The following RAB30 variants were observed in gnomAD, a reference collection of about 807,000 sequenced individuals.
The protein encoded by RAB30 is ras-related protein Rab-30.
Under a neutral mutation model 25.1 loss-of-function variants are expected in RAB30, and 9 were observed. That is an observed-to-expected ratio of 0.36 (90% confidence interval 0.22 to 0.63). The LOEUF (loss-of-function observed/expected upper bound fraction) is 0.63, where lower values mean the gene tolerates loss of function less well. Among genes scored for constraint, RAB30 ranks in the 20% least tolerant of loss-of-function variants. The pLI is 0.69. For synonymous variants in RAB30, 77 were observed against 86.4 expected, an observed-to-expected ratio of 0.89 and a Z score of 0.60; for missense variants, 140 against 243.5, an observed-to-expected ratio of 0.58 and a Z score of 2.83.
rs74364134 is a variant in RAB30 at position 83,025,194 on chromosome 11, T to A, written c.-8-27870A>T. Among the ~76,000 whole-genome samples the A allele has an allele frequency of 4.1e-3, 629 of 152,362 alleles. 4 individuals are homozygous for A. Among genetic ancestry groups the A allele is most frequent in the Non-Finnish European group, 6.1e-3 (415 of 68,038 alleles). Reference sequence around the variant, plus strand: ...TTTAACAACAAAATCAGCAATTTTTTAAAATTCTCCTGACATTTTATCAGA... The same window carrying A: ...TTTAACAACAAAATCAGCAATTTTTAAAAATTCTCCTGACATTTTATCAGA... On this transcript the variant is annotated intron_variant, in intron 1 of 4. Coordinates refer to ENST00000527633, the MANE Select transcript of RAB30 (RefSeq NM_001286060.2).
intron 1 of RAB30, among the ~76,000 whole-genome samples, chr11:83,023,764 C>T (rs1385005817): frequency 2.0e-5 from 3 of 152,208 alleles, no homozygotes; most frequent in Non-Finnish European, 4.4e-5. Flanking sequence ...TCAATTCTCA[C>T]CAAACTCACA....
In RAB30 at chr11:82,973,150, G is replaced by A. The variant is rs1237580856; in HGVS notation, c.*9015C>T. On this transcript the variant is annotated 3_prime_UTR_variant, in exon 5 of 5. Coordinates refer to ENST00000527633, the MANE Select transcript of RAB30 (RefSeq NM_001286060.2). ...TCTCCAAATGTGGGCAACAGGAAAT[G>A]TTTATTTATATACAAGTACATGGGA... The A allele has an allele frequency of 6.6e-6, 1 of 152,142 alleles. No homozygotes were observed. The highest frequency in any genetic ancestry group is 1.5e-5 in the Non-Finnish European group (1 of 68,010). 9.4% of individuals were successfully genotyped at this position (152,142 alleles called of 1,614,324 possible).
rs952995321 is a variant in RAB30, at chr11:82,975,502, C to T, written c.*6663G>A. ...TTTTTGTTTTAGAATTTAGTGCACA[C>T]GTAGAAAGGGGAAGAAACGCTTTTG... is the stretch of plus-strand genomic sequence containing the variant. On this transcript the variant is annotated 3_prime_UTR_variant, in exon 5 of 5. Coordinates refer to ENST00000527633, the MANE Select transcript of RAB30 (RefSeq NM_001286060.2). 3 of 151,916 alleles carry T rather than the reference C, an allele frequency of 2.0e-5. No individual in the cohort carries two copies. The highest frequency in any genetic ancestry group is 2.9e-5 in the Non-Finnish European group (2 of 67,968). 9.4% of individuals were successfully genotyped at this position (151,916 alleles called of 1,614,324 possible). A position where few individuals can be genotyped will look rare whatever the true frequency, so the allele number is the denominator to read the frequency against.
chr11:83,018,387 G>A (rs747675207), intron 1 of RAB30, among the ~76,000 whole-genome samples: 29 of 151,388 alleles, frequency 1.9e-4, no homozygotes, highest in Non-Finnish European at 2.8e-4. Context: ...GGCCATTCTC[G>A]GAGGAGTAAG....
chr11:82,996,866 C>T lies in RAB30; in HGVS notation c.93+358G>A, dbSNP rs556855593. On this transcript the variant is annotated intron_variant, in intron 2 of 4. Transcript: ENST00000527633. ...TTTAAAAAATTTAGGTTCAGTTTGA[C>T]GTCCAGATTCATTTGTTTCCACCTG... Among the ~76,000 whole-genome samples the T allele has an allele frequency of 8.5e-5, 13 of 152,284 alleles. No homozygotes were observed. In the South Asian group the frequency reaches 2.1e-3, roughly 24 times the overall value.
intron 1 of RAB30, 24 bp from the exon 2 acceptor site, chr11:82,997,348 G>C: frequency 6.6e-7 from 1 of 1,514,726 alleles, no homozygotes. Flanking sequence ...ACAGGCAAAA[G>C]TGAGAAAGGC....
intron 1 of RAB30, among the ~76,000 whole-genome samples, chr11:83,066,787 G>A (rs889882436): frequency 6.6e-5 from 10 of 152,186 alleles, no homozygotes; most frequent in Non-Finnish European, 1.2e-4. Context: ...CCTGACCTCA[G>A]GTGATCCACC....
chr11:83,027,372 A>T (rs189592490), intron 1 of RAB30, among the ~76,000 whole-genome samples: 1 of 152,344 alleles, frequency 6.6e-6, no homozygotes, highest in South Asian at 2.1e-4. Context: ...CAGAAGGTAG[A>T]GTGCAAAGGT....
In RAB30 at chr11:82,976,940, G is replaced by A. The variant is rs182585208; in HGVS notation, c.*5225C>T. ...CTTTTAAACTCATGTATTCTCAAGA[G>A]AATCAAACCAACTAAGGAAATGTCA... On this transcript the variant is annotated 3_prime_UTR_variant, in exon 5 of 5. Coordinates refer to ENST00000527633, the MANE Select transcript of RAB30 (RefSeq NM_001286060.2). 6.6e-6 allele frequency: 1 copy of A among 152,094 alleles called. No individual in the cohort carries two copies. Among genetic ancestry groups the A allele is most frequent in the South Asian group, 2.1e-4 (1 of 4,830 alleles). 9.4% of individuals were successfully genotyped at this position (152,094 alleles called of 1,614,324 possible). A position where few individuals can be genotyped will look rare whatever the true frequency, so the allele number is the denominator to read the frequency against.
intron 1 of RAB30, among the ~76,000 whole-genome samples, chr11:83,026,504 C>A (rs1272736749): frequency 6.6e-6 from 1 of 152,162 alleles, no homozygotes; most frequent in Non-Finnish European, 1.5e-5. Context: ...TCACATGTAA[C>A]ATTCTGGCTC....
intron 1 of RAB30, among the ~76,000 whole-genome samples, chr11:83,005,877 C>T (rs908251156): frequency 4.0e-5 from 6 of 151,198 alleles, no homozygotes; most frequent in African/African-American, 1.5e-4. Flanking sequence ...AATTCAATAA[C>T]CGACTAGAAA....
At chr11:83,024,858 TG>T (rs1796590070) in intron 1 of RAB30, among the ~76,000 whole-genome samples, 1 of 152,230 alleles carries the variant, frequency 6.6e-6, no homozygotes, top group Non-Finnish European at 1.5e-5. Context: ...TTAACTGTGT[TG>T]AACTCAGCAT....
chr11:83,003,970 A>G (rs1857138648), intron 1 of RAB30, among the ~76,000 whole-genome samples: 1 of 152,198 alleles, frequency 6.6e-6, no homozygotes, highest in Non-Finnish European at 1.5e-5. Flanking sequence ...ATAGCTTCAC[A>G]GTAACATAAC....
chr11:83,048,880 C>T (rs913032584), intron 1 of RAB30, among the ~76,000 whole-genome samples: 7 of 152,232 alleles, frequency 4.6e-5, no homozygotes, highest in Non-Finnish European at 1.0e-4. Flanking sequence ...TGCTGGGCCC[C>T]AGCATGGCCC....
intron 1 of RAB30, among the ~76,000 whole-genome samples, chr11:83,024,958 G>T (rs921403445): frequency 5.9e-5 from 9 of 152,192 alleles, no homozygotes; most frequent in African/African-American, 2.2e-4. Context: ...GAGGTGTCTT[G>T]AAGTAGGAAA....
Position 82,982,303 on chromosome 11 carries a change from A to G in RAB30, c.474T>C (p.Asn158=), listed in dbSNP as rs750654953. The G allele has an allele frequency of 2.5e-6, 4 of 1,614,206 alleles. No individual in the cohort carries two copies. Among genetic ancestry groups the G allele is most frequent in the Non-Finnish European group, 8.5e-7 (1 of 1,180,026 alleles). The change falls in exon 5 of 5, where the codon AAT becomes AAC. Residue 158 remains asparagine (N), a synonymous_variant. Coordinates refer to ENST00000527633, the MANE Select transcript of RAB30 (RefSeq NM_001286060.2). ...CTAAGTCAAGGAAGAGTTTCTCCAC[A>G]TTATCAGATTCCTTGGCTGAGGTCT... ...YLETSAKESD[N]VEKLFLDLAC...
rs1856581831 is a variant in RAB30 at position 82,978,416 on chromosome 11, T to C, written c.*3749A>G. 1 of 151,410 alleles carries C rather than the reference T, an allele frequency of 6.6e-6. No individual in the cohort carries two copies. Among genetic ancestry groups the C allele is most frequent in the Admixed American group, 6.6e-5 (1 of 15,100 alleles). 9.4% of individuals were successfully genotyped at this position (151,410 alleles called of 1,614,324 possible). ...CATTTCCTCACAGTTCAAAAAGTTCTGCCCACCTTGATTAACTTGTTTTCT... is the reference window on the plus strand; with the variant it reads ...CATTTCCTCACAGTTCAAAAAGTTCCGCCCACCTTGATTAACTTGTTTTCT... On this transcript the variant is annotated 3_prime_UTR_variant, in exon 5 of 5. Transcript: ENST00000527633.
chr11:83,065,682 T>A (rs968959955), intron 1 of RAB30, among the ~76,000 whole-genome samples: 1 of 152,214 alleles, frequency 6.6e-6, no homozygotes, highest in Admixed American at 6.5e-5. Context: ...TTTGTCACTG[T>A]GGATACTAAA....
Position 82,976,826 on chromosome 11 carries a change from T to C in RAB30, c.*5339A>G, listed in dbSNP as rs1010146253. The C allele has an allele frequency of 7.9e-5, 12 of 152,226 alleles. No homozygotes were observed. The highest frequency in any genetic ancestry group is 1.6e-4 in the Non-Finnish European group (11 of 68,024). 9.4% of individuals were successfully genotyped at this position (152,226 alleles called of 1,614,324 possible). On this transcript the variant is annotated 3_prime_UTR_variant, in exon 5 of 5. Coordinates refer to ENST00000527633, the MANE Select transcript of RAB30 (RefSeq NM_001286060.2). ...GAATAATTTGGGCCATAGGCTTCAA[T>C]AGCAAAAATTGCTTACAGTTACCTC...
Sources: allele counts gnomAD v4.1 joint callset (sites outside exome capture counted in the v4.1 genomes callset), GRCh38; gene constraint gnomAD v4.1.1; transcripts MANE v1.5; gene names NCBI Gene and HGNC (gene_info 2026-07-23, HGNC 2026-07-21).